The following EPO variants were observed in gnomAD, a reference collection of about 807,000 sequenced individuals.
EPO encodes epoetin.
EPO carries 12 observed loss-of-function variants against 24.4 expected under a neutral mutation model. That is an observed-to-expected ratio of 0.49 (90% confidence interval 0.32 to 0.80). The LOEUF is 0.80. EPO is among the 30% of genes least tolerant of loss of function. The pLI is 0.04. For missense variants in EPO, 210 were observed against 238.0 expected (o/e 0.88, Z 0.77); for synonymous variants, 107 against 104.0 (o/e 1.03, Z -0.18).
chr7:100,722,948 T>C, intron 4 of EPO, 30 bp from the exon 5 acceptor site: 1 of 1,612,658 alleles, frequency 6.2e-7, no homozygotes, highest in South Asian at 1.1e-5. Context: ...TCTGTGGCAC[T>C]GCAGCGACCT....
In EPO at chr7:100,722,683, A is replaced by C; in HGVS notation, c.266A>C (p.Glu89Ala). ...CTGTAGGTCGGGCAGCAGGCCGTAG[A>C]AGTCTGGCAGGGCCTGGCCCTGCTG... is the stretch of plus-strand genomic sequence containing the variant. ...KRMEVGQQAV[E>A]VWQGLALLSE... Residue 89 changes from glutamate to alanine, a missense_variant, in exon 4 of 5, where the codon GAA becomes GCA. Glu to Ala is a moderately radical substitution (Grantham distance 107, BLOSUM62 -1). Transcript: ENST00000252723. 1 of 1,599,564 alleles carries C rather than the reference A, an allele frequency of 6.3e-7. No individual in the cohort carries two copies.
At chr7:100,722,070 T>C (rs2131440959) in intron 3 of EPO, 22 bp downstream of exon 3, 1 of 1,560,474 alleles carries the variant, frequency 6.4e-7, no homozygotes, top group Non-Finnish European at 8.6e-7. Context: ...TTTTTTTTTT[T>C]TTCCTTTCTT....
chr7:100,720,791 C>T lies in EPO; in HGVS notation c.-190C>T. 1.7e-6 allele frequency: 1 copy of T among 586,706 alleles called. No individual in the cohort carries two copies. Among genetic ancestry groups the T allele is most frequent in the Non-Finnish European group, 2.6e-6 (1 of 384,176 alleles). 36.3% of individuals were successfully genotyped at this position (586,706 alleles called of 1,614,324 possible). A position where few individuals can be genotyped will look rare whatever the true frequency, so the allele number is the denominator to read the frequency against. ...CCGCTCGCTGCGCTGCGCCGCACCG[C>T]GCTGTCCTCCCGGAGCCGGACCGGG... is the stretch of plus-strand genomic sequence containing the variant. On this transcript the variant is annotated 5_prime_UTR_variant, in exon 1 of 5. Coordinates refer to ENST00000252723, the MANE Select transcript of EPO (RefSeq NM_000799.4).
chr7:100,722,072 T>TC (rs758235698), intron 3 of EPO, 24 bp downstream of exon 3: 3 of 1,473,350 alleles, frequency 2.0e-6, no homozygotes, highest in African/African-American at 1.4e-5. Flanking sequence ...TTTTTTTTTT[T>TC]CCTTTCTTTT....
chr7:100,722,897 T>A, intron 4 of EPO, 54 bp downstream of exon 4: 10 of 1,606,314 alleles, frequency 6.2e-6, no homozygotes, highest in Non-Finnish European at 8.5e-6. Context: ...GGGAGAAGGG[T>A]CTTGCTAAGG....
At position 100,721,481 on chromosome 7, in the gene EPO, G is replaced by T; in HGVS notation, c.14-77G>T. 1 of 1,553,172 alleles carries T rather than the reference G, an allele frequency of 6.4e-7. No homozygotes were observed. On this transcript the variant is annotated intron_variant, in intron 1 of 4. Transcript: ENST00000252723. The surrounding 1 kb of genome is among the most constrained non-coding windows in gnomAD (Gnocchi z 4.0). ...GAAGGACGAGCTGGGGCAGAGACGT[G>T]GGGATGAAGGAAGCTGTCCTTCCAC...
chr7:100,721,626 G>A lies in EPO; in HGVS notation c.82G>A (p.Ala28Thr), dbSNP rs1056593813. ...CCCTCTGGGCCTCCCAGTCCTGGGC[G>A]CCCCACCACGCCTCATCTGTGACAG... is the stretch of plus-strand genomic sequence containing the variant. ...SLPLGLPVLG[A>T]PPRLICDSRV... Residue 28 changes from alanine to threonine, a missense_variant, in exon 2 of 5, where the codon GCC becomes ACC. Ala to Thr is a moderately conservative substitution (Grantham distance 58). Transcript: ENST00000252723. The surrounding 1 kb of genome is among the most constrained non-coding windows in gnomAD (Gnocchi z 4.0). 8.7e-6 allele frequency: 14 copies of A among 1,613,668 alleles called. No homozygotes were observed. Among genetic ancestry groups the A allele is most frequent in the South Asian group, 5.5e-5 (5 of 91,090 alleles).
chr7:100,723,448 G>A lies in EPO; in HGVS notation c.*315G>A. The A allele has an allele frequency of 4.1e-6, 1 of 241,822 alleles. No homozygotes were observed. Among genetic ancestry groups the A allele is most frequent in the Non-Finnish European group, 8.0e-6 (1 of 125,540 alleles). 15.0% of individuals were successfully genotyped at this position (241,822 alleles called of 1,614,324 possible). A position where few individuals can be genotyped will look rare whatever the true frequency, so the allele number is the denominator to read the frequency against. ...CACTCGGCACCCTGCAAAATTTGATGCCAGGACACGCTTTGGAGGCGATTT... is the reference window on the plus strand; with the variant it reads ...CACTCGGCACCCTGCAAAATTTGATACCAGGACACGCTTTGGAGGCGATTT... On this transcript the variant is annotated 3_prime_UTR_variant, in exon 5 of 5. Transcript: ENST00000252723.
chr7:100,720,816 G>A lies in EPO; in HGVS notation c.-165G>A, dbSNP rs1806727774. The stretch of plus-strand genomic sequence containing the variant: ...CGCTGTCCTCCCGGAGCCGGACCGG[G>A]GCCACCGCGCCCGCTCTGCTCCGAC... On this transcript the variant is annotated 5_prime_UTR_variant, in exon 1 of 5. Transcript: ENST00000252723. 1 of 805,612 alleles carries A rather than the reference G, an allele frequency of 1.2e-6. No homozygotes were observed. The highest frequency in any genetic ancestry group is 1.7e-6 in the Non-Finnish European group (1 of 579,786). 49.9% of individuals were successfully genotyped at this position (805,612 alleles called of 1,614,324 possible).
Position 100,720,985 on chromosome 7 carries a change from G to A in EPO, c.5G>A (p.Gly2Glu). 6.3e-7 allele frequency: 1 copy of A among 1,579,506 alleles called. No homozygotes were observed. Among genetic ancestry groups the A allele is most frequent in the South Asian group, 1.2e-5 (1 of 86,904 alleles). Residue 2 changes from glycine (G) to glutamate (E), a missense_variant, in exon 1 of 5, where the codon GGG (glycine) becomes GAG (glutamate). By Grantham distance (98) the Gly-to-Glu change is moderately conservative (BLOSUM62 -2). Coordinates refer to ENST00000252723, the MANE Select transcript of EPO (RefSeq NM_000799.4). The stretch of plus-strand genomic sequence containing the variant: ...GGACCCCGGCCAGGCGCGGAGATGG[G>A]GGTGCACGGTGAGTACTCGCGGGCT... M[G>E]VHECPAWLWL...
Position 100,723,053 on chromosome 7 carries a change from C to T in EPO, c.502C>T (p.Leu168Phe). 1.2e-6 allele frequency: 2 copies of T among 1,614,186 alleles called. No individual in the cohort carries two copies. The highest frequency in any genetic ancestry group is 1.7e-6 in the Non-Finnish European group (2 of 1,180,034). Residue 168 changes from leucine (L) to phenylalanine (F), a missense_variant, in exon 5 of 5, where the codon CTC (leucine) becomes TTC (phenylalanine). Leu to Phe is a conservative substitution (Grantham distance 22, BLOSUM62 0). Transcript: ENST00000252723. ...AATCACTGCTGACACTTTCCGCAAA[C>T]TCTTCCGAGTCTACTCCAATTTCCT... The part of the protein sequence containing the change: ...RTITADTFRK[L>F]FRVYSNFLRG...
chr7:100,721,745 A>AGG lies in EPO; in HGVS notation c.159+44_159+45dup, dbSNP rs1428140922. The stretch of plus-strand genomic sequence containing the variant: ...AGCACATTCCACAGAACTCACGCTC[A>AGG]GGGCTTCAGGGAACTCCTCCCAGAT... On this transcript the variant is annotated intron_variant, in intron 2 of 4. Transcript: ENST00000252723. The surrounding 1 kb of genome is among the most constrained non-coding windows in gnomAD (Gnocchi z 4.0). The AGG allele has an allele frequency of 7.6e-6, 12 of 1,582,080 alleles. No individual in the cohort carries two copies. The highest frequency in any genetic ancestry group is 1.8e-5 in the Admixed American group (1 of 56,274).
At position 100,721,909 on chromosome 7, in the gene EPO, C is replaced by A; in HGVS notation, c.160-53C>A. The A allele has an allele frequency of 6.4e-7, 1 of 1,572,144 alleles. No homozygotes were observed. The highest frequency in any genetic ancestry group is 8.6e-7 in the Non-Finnish European group (1 of 1,161,782). On this transcript the variant is annotated intron_variant, in intron 2 of 4. Transcript: ENST00000252723. This position sits in a 1 kb window ranked among gnomAD's most constrained non-coding sequence, Gnocchi z 4.0. ...GCCAGCAGATCCTACGGCCTGTGGG[C>A]CAGGGCCAGAGCCTTCAGGGACCCT...
Position 100,722,857 on chromosome 7 carries a change from G to A in EPO, c.426+14G>A, listed in dbSNP as rs1411397153. ...CTGGGAGCCCAGGTGAGTAGGAGCG[G>A]ACACTTCTGCTTGCCCTTTCTGTAA... On this transcript the variant is annotated intron_variant, in intron 4 of 4. Coordinates refer to ENST00000252723, the MANE Select transcript of EPO (RefSeq NM_000799.4). 6.2e-7 allele frequency: 1 copy of A among 1,611,992 alleles called. No individual in the cohort carries two copies. The highest frequency in any genetic ancestry group is 8.5e-7 in the Non-Finnish European group (1 of 1,179,220).
In EPO at chr7:100,720,941, C is replaced by A; in HGVS notation, c.-40C>A. 1.3e-6 allele frequency: 2 copies of A among 1,542,020 alleles called. No individual in the cohort carries two copies. The highest frequency in any genetic ancestry group is 1.7e-6 in the Non-Finnish European group (2 of 1,146,798). On this transcript the variant is annotated 5_prime_UTR_variant, in exon 1 of 5. Transcript: ENST00000252723. ...GAGGGCCCCCGGTGTGGTCACCCGG[C>A]GCGCCCCAGGTCGCTGAGGGACCCC... is the stretch of plus-strand genomic sequence containing the variant.
At position 100,721,960 on chromosome 7, in the gene EPO, A is replaced by G; in HGVS notation, c.160-2A>G. On this transcript the variant is annotated splice_acceptor_variant, in intron 2 of 4. Transcript: ENST00000252723. LOFTEE classifies it high-confidence loss of function. The surrounding 1 kb of genome is among the most constrained non-coding windows in gnomAD (Gnocchi z 4.0). ...TGACTCCCCGGGCTGTGTGCATTTC[A>G]GACGGGCTGTGCTGAACACTGCAGC... 1 of 1,605,394 alleles carries G rather than the reference A, an allele frequency of 6.2e-7. No individual in the cohort carries two copies. The highest frequency in any genetic ancestry group is 8.5e-7 in the Non-Finnish European group (1 of 1,177,842).
chr7:100,722,065 T>C lies in EPO; in HGVS notation c.246+17T>C. The C allele has an allele frequency of 3.2e-6, 5 of 1,574,588 alleles. No individual in the cohort carries two copies. The highest frequency in any genetic ancestry group is 3.4e-6 in the Non-Finnish European group (4 of 1,167,442). Reference sequence around the variant, plus strand: ...AGGATGGAGGTGAGTTCCTTTTTTTTTTTTTTTCCTTTCTTTTGGAGAATC... The same window carrying C: ...AGGATGGAGGTGAGTTCCTTTTTTTCTTTTTTTCCTTTCTTTTGGAGAATC... On this transcript the variant is annotated intron_variant, in intron 3 of 4. Transcript: ENST00000252723.
At position 100,721,785 on chromosome 7, in the gene EPO, C is replaced by T; in HGVS notation, c.159+82C>T. On this transcript the variant is annotated intron_variant, in intron 2 of 4. Coordinates refer to ENST00000252723, the MANE Select transcript of EPO (RefSeq NM_000799.4). The surrounding 1 kb of genome is among the most constrained non-coding windows in gnomAD (Gnocchi z 4.0). ...TCCTCCCAGATCCAGGAACCTGGCACTTGGTTTGGGGTGGAGTTGGGAAGC... is the reference window on the plus strand; with the variant it reads ...TCCTCCCAGATCCAGGAACCTGGCATTTGGTTTGGGGTGGAGTTGGGAAGC... The T allele has an allele frequency of 6.5e-7, 1 of 1,545,430 alleles. No individual in the cohort carries two copies.
In EPO at chr7:100,722,003, T is replaced by C. The variant is rs748564118; in HGVS notation, c.201T>C (p.Thr67=). 6.1e-5 allele frequency: 99 copies of C among 1,612,960 alleles called. No homozygotes were observed. The highest frequency in any genetic ancestry group is 8.3e-5 in the Non-Finnish European group (98 of 1,179,790). Residue 67 remains threonine (T), a synonymous_variant, in exon 3 of 5, where the codon ACT becomes ACC. Coordinates refer to ENST00000252723, the MANE Select transcript of EPO (RefSeq NM_000799.4). ...AEHCSLNENI[T]VPDTKVNFYA... ...ACTGCAGCTTGAATGAGAATATCAC[T>C]GTCCCAGACACCAAAGTTAATTTCT... is the stretch of plus-strand genomic sequence containing the variant.
Sources: gnomAD v4.1 joint callset for allele counts on GRCh38, gnomAD v4.1.1 for gene constraint, Gnocchi (gnomAD v3.1) non-coding constraint, MANE v1.5 for transcripts, NCBI Gene and HGNC (gene_info 2026-07-23, HGNC 2026-07-21) for gene names.